Variants in FASTKD2 observed in about 807,000 individuals in gnomAD.
FASTKD2 encodes FAST kinase domains 2, also known as FAST kinase domain-containing protein 2, mitochondrial.
FASTKD2 carries 51 observed loss-of-function variants against 63.6 expected under a neutral mutation model. The ratio of observed to expected loss-of-function variants is 0.80; its 90% CI spans 0.64 to 1.01. FASTKD2 has a LOEUF of 1.01. Ranked by LOEUF, FASTKD2 falls within the 50% of genes least tolerant of loss-of-function variation. The pLI is 0.00. For missense variants in FASTKD2, 786 were observed against 831.1 expected (o/e 0.95, Z 0.67); for synonymous variants, 284 against 293.4 (o/e 0.97, Z 0.33).
chr2:206,789,053 C>T (rs927515787), intron 10 of FASTKD2, 150 bp downstream of exon 10: 2 of 661,854 alleles, frequency 3.0e-6, no homozygotes, highest in South Asian at 1.6e-5. Context: ...TCAATGTACT[C>T]CTTAGAAAGT....
intron 1 of FASTKD2, 141 bp from the exon 2 acceptor site, chr2:206,766,503 T>TA (rs906901352): frequency 2.0e-4 from 112 of 573,012 alleles, no homozygotes; most frequent in East Asian, 2.7e-4. Context: ...CCCACATTGG[T>TA]AAAAAAAACT....
At chr2:206,766,502 G>T in intron 1 of FASTKD2, 142 bp from the exon 2 acceptor site, 1 of 569,552 alleles carries the variant, frequency 1.8e-6, no homozygotes, top group South Asian at 2.1e-5. Context: ...GCCCACATTG[G>T]TAAAAAAAAC....
intron 7 of FASTKD2, among the ~76,000 whole-genome samples, chr2:206,775,658 T>G (rs182549984): frequency 6.6e-6 from 1 of 152,146 alleles, no homozygotes; most frequent in Non-Finnish European, 1.5e-5. Context: ...AAGTATTCCC[T>G]CCTTCTCTGC....
At chr2:206,778,766 T>C (rs1329343921) in intron 7 of FASTKD2, among the ~76,000 whole-genome samples, 1 of 151,864 alleles carries the variant, frequency 6.6e-6, no homozygotes, top group Non-Finnish European at 1.5e-5. Flanking sequence ...AGGCGAACAT[T>C]ACTGCCTGAG....
intron 7 of FASTKD2, among the ~76,000 whole-genome samples, chr2:206,779,662 A>G (rs1689917140): frequency 1.3e-5 from 2 of 152,196 alleles, no homozygotes; most frequent in South Asian, 2.1e-4. Context: ...TCTCTCCCTT[A>G]ATACATGGGG....
At chr2:206,776,809 G>GT (rs931602845) in intron 7 of FASTKD2, among the ~76,000 whole-genome samples, 11 of 151,696 alleles carry the variant, frequency 7.3e-5, no homozygotes, top group Admixed American at 3.9e-4. Flanking sequence ...TGAATTTTAA[G>GT]TTTTTTTTCT....
intron 7 of FASTKD2, among the ~76,000 whole-genome samples, chr2:206,778,732 G>A (rs1291171490): frequency 6.6e-6 from 1 of 151,940 alleles, no homozygotes; most frequent in Non-Finnish European, 1.5e-5. Flanking sequence ...TAGGAACTGG[G>A]CCACACAGCA....
At chr2:206,772,706 T>C (rs1334934807) in intron 6 of FASTKD2, among the ~76,000 whole-genome samples, 1 of 152,100 alleles carries the variant, frequency 6.6e-6, no homozygotes, top group Admixed American at 6.6e-5. Context: ...ATCATGAGGG[T>C]AAACAATGCA....
In FASTKD2 at chr2:206,791,771, TTGC is replaced by T. The variant is rs1337934524; in HGVS notation, c.2108_2110del (p.Ala703del). 4 of 1,613,002 alleles carry T rather than the reference TTGC, an allele frequency of 2.5e-6. No individual in the cohort carries two copies. The highest frequency in any genetic ancestry group is 3.4e-6 in the Non-Finnish European group (4 of 1,179,490). On this transcript the variant is annotated inframe_deletion, in exon 12 of 12. Transcript: ENST00000402774. Reference sequence around the variant, plus strand: ...ATCTATTCAGTAGAAGCTCTTCCTGTTGCTGCTGTAAATGTGCAAAGCACACAA... The same window carrying T: ...ATCTATTCAGTAGAAGCTCTTCCTGTTGCTGTAAATGTGCAAAGCACACAA...
At position 206,771,234 on chromosome 2, in the gene FASTKD2, G is replaced by A. The variant is rs560557343; in HGVS notation, c.934G>A (p.Val312Ile). The A allele has an allele frequency of 6.2e-7, 1 of 1,612,358 alleles. No homozygotes were observed. Among genetic ancestry groups the A allele is most frequent in the Admixed American group, 1.7e-5 (1 of 60,018 alleles). Reference protein sequence around the residue: ...WKIEDVFTLQVVMKCIGKDAP... With the variant: ...WKIEDVFTLQIVMKCIGKDAP... ...AATAGAAGATGTCTTCACATTACAAGTTGTGATGAAGTGTATTGGAAAAGA... is the reference window on the plus strand; with the variant it reads ...AATAGAAGATGTCTTCACATTACAAATTGTGATGAAGTGTATTGGAAAAGA... Residue 312 changes from valine (V) to isoleucine (I), a missense_variant, in exon 4 of 12, where the codon GTT becomes ATT. Physicochemically the swap from Val to Ile is conservative, Grantham distance 29. Transcript: ENST00000402774.
At chr2:206,777,332 G>A (rs537112992) in intron 7 of FASTKD2, among the ~76,000 whole-genome samples, 30 of 152,022 alleles carry the variant, frequency 2.0e-4, no homozygotes, top group African/African-American at 6.7e-4. Flanking sequence ...TCTTACTTAC[G>A]GTGAGGCACA....
At position 206,770,168 on chromosome 2, in the gene FASTKD2, T is replaced by C. The variant is rs752584843; in HGVS notation, c.855T>C (p.Asn285=). The part of the protein sequence containing the change: ...TVLEAMEPCK[N]VHVLRTGFRI... ...TAGAGGCAATGGAACCATGCAAGAA[T>C]GTTCATGTTCTACGAACGGGATTCA... Residue 285 remains asparagine, a synonymous_variant, in exon 3 of 12, where the codon AAT becomes AAC. Transcript: ENST00000402774. The C allele has an allele frequency of 1.4e-5, 22 of 1,609,618 alleles. No individual in the cohort carries two copies. The South Asian group carries it at 1.6e-4, about 12-fold the overall frequency.
chr2:206,791,413 A>G, intron 11 of FASTKD2: 1 of 412,724 alleles, frequency 2.4e-6, no homozygotes, highest in Non-Finnish European at 4.4e-6. Context: ...TATATTGCTG[A>G]TTATATATAT....
At chr2:206,772,044 T>G in intron 5 of FASTKD2, 27 bp downstream of exon 5, 2 of 1,612,154 alleles carry the variant, frequency 1.2e-6, no homozygotes, top group Non-Finnish European at 1.7e-6. Flanking sequence ...TTTCATCATT[T>G]GCAATACCTG....
At position 206,765,625 on chromosome 2, in the gene FASTKD2, C is replaced by CTG. The variant is rs2105967310; in HGVS notation, c.-171_-170dup. On this transcript the variant is annotated 5_prime_UTR_variant, in exon 1 of 12. An upstream open reading frame in the 5' UTR loses its in-frame stop. Transcript: ENST00000402774. ...CTCGGGGAAGCTGTCATGGCTGCTC[C>CTG]TGTACGTAGTCACGGTCTTGTGCTC... is the stretch of plus-strand genomic sequence containing the variant. 1 of 770,570 alleles carries CTG rather than the reference C, an allele frequency of 1.3e-6. No homozygotes were observed. The highest frequency in any genetic ancestry group is 1.9e-5 in the African/African-American group (1 of 54,038). The allele number at this position is 770,570 out of a possible 1,614,324, so 47.7% of individuals were successfully genotyped here. A position where few individuals can be genotyped will look rare whatever the true frequency, so the allele number is the denominator to read the frequency against.
In FASTKD2 at chr2:206,788,033, A is replaced by G; in HGVS notation, c.1691A>G (p.Gln564Arg). The change falls in exon 9 of 12, where the codon CAG becomes CGG. Residue 564 changes from glutamine to arginine, a missense_variant. By Grantham distance (43) the Gln-to-Arg change is conservative (BLOSUM62 1). Transcript: ENST00000402774. Reference sequence around the variant, plus strand: ...AGGGACATAGCCTTGTCACTCCCACAGCTGCCGCGGGAGCTGCCATCGTCA... The same window carrying G: ...AGGGACATAGCCTTGTCACTCCCACGGCTGCCGCGGGAGCTGCCATCGTCA... ...YLRDIALSLP[Q>R]LPRELPSSHT... 12 of 1,613,578 alleles carry G rather than the reference A, an allele frequency of 7.4e-6. No individual in the cohort carries two copies. Among genetic ancestry groups the G allele is most frequent in the Non-Finnish European group, 1.0e-5 (12 of 1,179,580 alleles).
Position 206,792,516 on chromosome 2 carries a change from A to C in FASTKD2, c.*714A>C, listed in dbSNP as rs548375888. On this transcript the variant is annotated 3_prime_UTR_variant, in exon 12 of 12. Transcript: ENST00000402774. ...TGAATTGTGTTGTGAATCAGACCTG[A>C]GGACTATTTTTTCGATTATGTGTGT... The C allele has an allele frequency of 5.7e-4, 87 of 152,314 alleles. No homozygotes were observed. Among genetic ancestry groups the C allele is most frequent in the African/African-American group, 2.0e-3 (85 of 41,522 alleles). 9.4% of individuals were successfully genotyped at this position (152,314 alleles called of 1,614,324 possible).
At chr2:206,790,777 G>C (rs1005530874) in intron 11 of FASTKD2, 91 bp downstream of exon 11, 2 of 808,486 alleles carry the variant, frequency 2.5e-6, no homozygotes, top group Non-Finnish European at 4.4e-6. Context: ...TGGTTACTAG[G>C]ACTAGAGGAA....
intron 7 of FASTKD2, among the ~76,000 whole-genome samples, chr2:206,783,561 T>C (rs376130032): frequency 5.1e-4 from 78 of 152,098 alleles, no homozygotes; most frequent in Admixed American, 2.8e-3. Flanking sequence ...TAAGTGGTAA[T>C]TAAAACTCCA....
Sources: allele counts gnomAD v4.1 joint callset (sites outside exome capture counted in the v4.1 genomes callset), GRCh38; gene constraint gnomAD v4.1.1; transcripts MANE v1.5; gene names NCBI Gene and HGNC (gene_info 2026-07-23, HGNC 2026-07-21).